The following ENOX1 variants were observed in gnomAD, a reference collection of about 807,000 sequenced individuals.
ENOX1 encodes the protein candidate growth-related and time keeping constitutive hydroquinone (NADH) oxidase.
A neutral mutation model predicts 82.5 loss-of-function variants in ENOX1; 42 were observed. The observed-to-expected ratio is 0.51, with a 90% CI of 0.40 to 0.66. The LOEUF (loss-of-function observed/expected upper bound fraction) is 0.66. Ranked by LOEUF, ENOX1 falls within the 30% of genes least tolerant of loss-of-function variation. The probability of loss-of-function intolerance (pLI) is 0.00; values close to 1 mark genes in which losing one functional copy is unlikely to be tolerated. For missense variants in ENOX1, 608 were observed against 811.6 expected (o/e 0.75, Z 3.05); for synonymous variants, 271 against 282.2 (o/e 0.96, Z 0.40).
chr13:43,652,744 C>A (rs746527740), intron 2 of ENOX1, among the ~76,000 whole-genome samples: 3 of 152,172 alleles, frequency 2.0e-5, no homozygotes, highest in African/African-American at 7.2e-5. Flanking sequence ...TCATAGTGGG[C>A]AGGAAGGTCT....
chr13:43,367,838 T>C (rs1337496004), intron 5 of ENOX1, among the ~76,000 whole-genome samples: 1 of 152,042 alleles, frequency 6.6e-6, no homozygotes, highest in Non-Finnish European at 1.5e-5. Context: ...GTATATGCAA[T>C]GGGCATGTAA....
At chr13:43,326,593 A>G in intron 9 of ENOX1, 68 bp from the exon 10 acceptor site, 1 of 1,246,904 alleles carries the variant, frequency 8.0e-7, no homozygotes, top group Non-Finnish European at 1.2e-6. Context: ...GAAGCAAAGC[A>G]AAGACACTAG....
intron 3 of ENOX1, among the ~76,000 whole-genome samples, chr13:43,483,327 TAA>T (rs1433421676): frequency 1.3e-5 from 2 of 152,226 alleles, no homozygotes; most frequent in Non-Finnish European, 2.9e-5. Context: ...ACCTTCAAAA[TAA>T]AAGTGTTTTA....
intron 2 of ENOX1, among the ~76,000 whole-genome samples, chr13:43,507,784 A>G (rs748225015): frequency 6.6e-6 from 1 of 152,024 alleles, no homozygotes; most frequent in Non-Finnish European, 1.5e-5. Context: ...ATTTTATTCT[A>G]TTTCCTGAGG....
At chr13:43,369,556 C>T (rs774976848) in intron 5 of ENOX1, among the ~76,000 whole-genome samples, 10 of 152,226 alleles carry the variant, frequency 6.6e-5, no homozygotes, top group Admixed American at 1.3e-4. Context: ...TAAGTGACCT[C>T]ATTCTACTAA....
intron 2 of ENOX1, among the ~76,000 whole-genome samples, chr13:43,514,321 T>C (rs922120418): frequency 2.0e-5 from 3 of 152,174 alleles, no homozygotes; most frequent in African/African-American, 7.2e-5. Flanking sequence ...CCAGAAGCAA[T>C]TATATTTCAG....
chr13:43,654,287 C>T (rs150218771), intron 2 of ENOX1, among the ~76,000 whole-genome samples: 2 of 152,144 alleles, frequency 1.3e-5, no homozygotes, highest in Admixed American at 1.3e-4. Context: ...GCTAACTTGC[C>T]CTACGTATTT....
chr13:43,338,514 C>CTA (rs1368505812), intron 9 of ENOX1, among the ~76,000 whole-genome samples: 1 of 151,832 alleles, frequency 6.6e-6, no homozygotes, highest in Admixed American at 6.6e-5. Context: ...GAAATGAGGT[C>CTA]TATCCAGCTG....
At chr13:43,677,831 G>A (rs954574001) in intron 1 of ENOX1, among the ~76,000 whole-genome samples, 3 of 152,186 alleles carry the variant, frequency 2.0e-5, no homozygotes, top group Middle Eastern at 3.4e-3. Flanking sequence ...TCTGACTTGC[G>A]ATCCTGTGGT....
At chr13:43,371,495 G>A (rs2051241959) in intron 5 of ENOX1, among the ~76,000 whole-genome samples, 1 of 152,200 alleles carries the variant, frequency 6.6e-6, no homozygotes, top group Admixed American at 6.5e-5. Flanking sequence ...TAACAGCAGA[G>A]ATGGTAATTC....
intron 2 of ENOX1, among the ~76,000 whole-genome samples, chr13:43,540,276 C>T (rs2078651128): frequency 6.6e-6 from 1 of 152,086 alleles, no homozygotes; most frequent in South Asian, 2.1e-4. Context: ...GCATCAACTT[C>T]AAACATGTAT....
chr13:43,681,533 G>A (rs1226520971), intron 1 of ENOX1, among the ~76,000 whole-genome samples: 1 of 152,006 alleles, frequency 6.6e-6, no homozygotes, highest in Non-Finnish European at 1.5e-5. Flanking sequence ...GAATCTTACT[G>A]TTTTTAATTT....
At chr13:43,737,220 T>C (rs1021746053) in intron 1 of ENOX1, among the ~76,000 whole-genome samples, 1 of 152,214 alleles carries the variant, frequency 6.6e-6, no homozygotes, top group Non-Finnish European at 1.5e-5. Context: ...GTTAGGTTTT[T>C]CCATTTCTAG....
At chr13:43,553,924 T>A (rs1184773385) in intron 2 of ENOX1, among the ~76,000 whole-genome samples, 1 of 152,168 alleles carries the variant, frequency 6.6e-6, no homozygotes, top group East Asian at 1.9e-4. Flanking sequence ...AATTTTTGTA[T>A]TTTTAGTAGA....
At chr13:43,689,714 C>T (rs1232996324) in intron 1 of ENOX1, among the ~76,000 whole-genome samples, 1 of 152,164 alleles carries the variant, frequency 6.6e-6, no homozygotes, top group Non-Finnish European at 1.5e-5. Context: ...TTTATGTGAT[C>T]TTATACACAT....
rs1365206112 is a variant in ENOX1 at position 43,223,697 on chromosome 13, TAAG to T, written c.1800+353_1800+355del. 1.1e-4 allele frequency among the ~76,000 whole-genome samples: 17 copies of T among 152,314 alleles called. No homozygotes were observed. In the South Asian group the frequency reaches 2.7e-3, roughly 24 times the overall value. ...GTGAAGTCCAGAACATGGAATCCTA[TAAG>T]AATATGGTCTGAGGATAATGCCCTA... On this transcript the variant is annotated intron_variant, in intron 16 of 16. Transcript: ENST00000690772.
intron 13 of ENOX1, among the ~76,000 whole-genome samples, chr13:43,268,209 C>T (rs887730900): frequency 2.6e-5 from 4 of 152,144 alleles, no homozygotes; most frequent in Non-Finnish European, 5.9e-5. Context: ...ACAACAAAAG[C>T]TCAGAGCTAT....
In ENOX1 at chr13:43,266,576, A is replaced by T. The variant is rs573562522; in HGVS notation, c.1555-1122T>A. Among the ~76,000 whole-genome samples the T allele has an allele frequency of 4.6e-5, 7 of 152,316 alleles. No homozygotes were observed. In the South Asian group the frequency reaches 1.5e-3, roughly 32 times the overall value. On this transcript the variant is annotated intron_variant, in intron 13 of 16. Coordinates refer to ENST00000690772, the MANE Select transcript of ENOX1 (RefSeq NM_001347969.2). ...CCATATCACTCCCACTTAAGAAAAA[A>T]GTCTGCCCACTGTTCTCTAGGGCAA...
chr13:43,412,156 C>A, intron 4 of ENOX1, 103 bp from the exon 5 acceptor site: 9 of 1,274,658 alleles, frequency 7.1e-6, no homozygotes, highest in Admixed American at 2.3e-5. Context: ...AGCACATTCC[C>A]AAACTACAAA....
Sources: gnomAD v4.1 joint callset for allele counts (sites outside exome capture counted in the v4.1 genomes callset) on GRCh38, gnomAD v4.1.1 for gene constraint, MANE v1.5 for transcripts, NCBI Gene and HGNC (gene_info 2026-07-23, HGNC 2026-07-21) for gene names.